Variants in RAD51B observed in about 807,000 individuals in gnomAD.
The protein encoded by RAD51B is RAD51 paralog B, also known as DNA repair protein RAD51 homolog 2.
In RAD51B, 38 loss-of-function variants were observed where a neutral mutation model predicts 42.2. That is an observed-to-expected ratio of 0.90 (90% confidence interval 0.70 to 1.18). RAD51B has a LOEUF of 1.18. Ranked by LOEUF, RAD51B falls within the 50% of genes most tolerant of loss-of-function variation. RAD51B has a pLI of 0.00. For missense variants in RAD51B, 373 were observed against 400.7 expected (o/e 0.93, Z 0.59); for synonymous variants, 154 against 145.2 (o/e 1.06, Z -0.43).
At chr14:68,433,051 T>C (rs112832695) in intron 9 of RAD51B, among the ~76,000 whole-genome samples, 27,876 of 152,252 alleles carry the variant, frequency 0.18, 2,972 homozygotes, top group Non-Finnish European at 0.25. Flanking sequence ...GAAAATTCTT[T>C]CTTTAAGAAT....
chr14:68,370,072 T>C (rs1304451584), intron 8 of RAD51B, among the ~76,000 whole-genome samples: 1 of 152,234 alleles, frequency 6.6e-6, no homozygotes, highest in Non-Finnish European at 1.5e-5. Flanking sequence ...TTATGCCTAG[T>C]GTTCCATTAG....
intron 10 of RAD51B, among the ~76,000 whole-genome samples, chr14:68,636,860 C>T (rs1423916522): frequency 6.6e-6 from 1 of 152,104 alleles, no homozygotes; most frequent in Non-Finnish European, 1.5e-5. Flanking sequence ...CCAAGCAAGC[C>T]CTGCATGAGG....
At chr14:68,635,324 A>G (rs963501049) in intron 10 of RAD51B, among the ~76,000 whole-genome samples, 1 of 152,174 alleles carries the variant, frequency 6.6e-6, no homozygotes, top group African/African-American at 2.4e-5. Flanking sequence ...TGCTTTATAT[A>G]GTGGAGGGTG....
At chr14:68,621,155 G>A (rs1451628894) in intron 10 of RAD51B, among the ~76,000 whole-genome samples, 1 of 152,090 alleles carries the variant, frequency 6.6e-6, no homozygotes, top group South Asian at 2.1e-4. Flanking sequence ...CACGCTTATT[G>A]TTTCATTCAT....
At chr14:67,948,931 CA>C (rs59465805) in intron 7 of RAD51B, among the ~76,000 whole-genome samples, 1,475 of 16,962 alleles carry the variant, frequency 0.087, 4 homozygotes, top group African/African-American at 0.22. Flanking sequence ...GACTCTGTCT[CA>C]AAAAAAAAAA....
At chr14:68,181,864 ACT>A (rs540062197) in intron 7 of RAD51B, among the ~76,000 whole-genome samples, 12 of 151,900 alleles carry the variant, frequency 7.9e-5, no homozygotes, top group Admixed American at 5.2e-4. Context: ...CACTGGAAAA[ACT>A]CTGAGTAAAA....
intron 9 of RAD51B, among the ~76,000 whole-genome samples, chr14:68,418,529 G>C (rs2084618253): frequency 6.6e-6 from 1 of 152,192 alleles, no homozygotes; most frequent in East Asian, 1.9e-4. Flanking sequence ...AACTTGCTAA[G>C]TAAACTAGGC....
chr14:67,844,922 A>C (rs1427798372), intron 4 of RAD51B, among the ~76,000 whole-genome samples: 1 of 152,094 alleles, frequency 6.6e-6, no homozygotes, highest in African/African-American at 2.4e-5. Flanking sequence ...TTATAATAGC[A>C]ACCCCTACTT....
At chr14:68,663,961 T>C (rs1177538618) in intron 11 of RAD51B, among the ~76,000 whole-genome samples, 1 of 152,196 alleles carries the variant, frequency 6.6e-6, no homozygotes, top group Non-Finnish European at 1.5e-5. Flanking sequence ...TTGATAAATG[T>C]GTTATTCTGA....
chr14:67,952,885 GTT>G (rs1159610402), intron 7 of RAD51B, among the ~76,000 whole-genome samples: 2 of 151,602 alleles, frequency 1.3e-5, no homozygotes, highest in African/African-American at 4.8e-5. Context: ...GTTTAGTTTA[GTT>G]TTTTTGTTTT....
chr14:68,087,916 TA>T (rs2081210036), intron 7 of RAD51B, among the ~76,000 whole-genome samples: 4 of 120,066 alleles, frequency 3.3e-5, no homozygotes, highest in African/African-American at 1.4e-4. Context: ...AATTATATAA[TA>T]TATTATATAT....
intron 9 of RAD51B, among the ~76,000 whole-genome samples, chr14:68,467,098 T>C (rs2086005343): frequency 1.3e-5 from 2 of 152,238 alleles, no homozygotes; most frequent in African/African-American, 4.8e-5. Flanking sequence ...AATGTTTTAA[T>C]GTGTAAAACA....
At chr14:68,177,020 A>G (rs1265216895) in intron 7 of RAD51B, among the ~76,000 whole-genome samples, 1 of 152,184 alleles carries the variant, frequency 6.6e-6, no homozygotes, top group East Asian at 1.9e-4. Flanking sequence ...CATGTCACAA[A>G]ATGAGCAAAG....
chr14:68,323,435 G>C (rs2082192637), intron 8 of RAD51B, among the ~76,000 whole-genome samples: 1 of 152,200 alleles, frequency 6.6e-6, no homozygotes, highest in South Asian at 2.1e-4. Context: ...GGCCTTGGCA[G>C]CTAAGGGTGG....
intron 11 of RAD51B, chr14:68,682,810 G>A (rs189073463): frequency 1.0e-5 from 4 of 391,698 alleles, no homozygotes; most frequent in East Asian, 1.3e-4. Context: ...GGGAGAGGGC[G>A]GGGAGTTTGC....
intron 7 of RAD51B, among the ~76,000 whole-genome samples, chr14:68,086,941 G>A (rs2076994371): frequency 6.6e-6 from 1 of 152,054 alleles, no homozygotes; most frequent in Admixed American, 6.6e-5. Context: ...TTCGAGACCA[G>A]CCTGACCAAC....
At chr14:68,562,253 C>A in intron 10 of RAD51B, 1 of 985,398 alleles carries the variant, frequency 1.0e-6, no homozygotes, top group Non-Finnish European at 1.2e-6. Context: ...AACCACTCAA[C>A]AGGTGGGGGC....
At chr14:68,304,425 G>A (rs2139702563) in intron 8 of RAD51B, among the ~76,000 whole-genome samples, 1 of 152,308 alleles carries the variant, frequency 6.6e-6, no homozygotes, top group South Asian at 2.1e-4. Context: ...TTGCTCTAGA[G>A]TCTGTGCTCT....
chr14:68,479,859 A>G (rs1883037760), downstream of RAD51B, among the ~76,000 whole-genome samples: 1 of 151,200 alleles, frequency 6.6e-6, no homozygotes, highest in Admixed American at 6.6e-5. Flanking sequence ...GTAGAGACAG[A>G]GTCTCTACTG....
Sources: gnomAD v4.1 joint callset for allele counts (sites outside exome capture counted in the v4.1 genomes callset) on GRCh38, gnomAD v4.1.1 for gene constraint, MANE v1.5 for transcripts, NCBI Gene and HGNC (gene_info 2026-07-23, HGNC 2026-07-21) for gene names.